Variants in MCTP1 observed in about 807,000 individuals in gnomAD.
MCTP1 encodes the protein multiple C2 and transmembrane domain-containing protein 1.
MCTP1 carries 69 observed loss-of-function variants against 120.6 expected under a neutral mutation model. The observed-to-expected ratio is 0.57, with a 90% CI of 0.47 to 0.70. MCTP1 has a LOEUF of 0.70. MCTP1 is among the 30% of genes least tolerant of loss of function. The probability of loss-of-function intolerance (pLI) is 0.00; values close to 1 mark genes in which losing one functional copy is unlikely to be tolerated. For synonymous variants in MCTP1, 529 were observed against 493.1 expected (o/e 1.07, Z -0.96); for missense variants, 1,203 against 1,248.8 (o/e 0.96, Z 0.55).
chr5:95,219,867 T>C (rs905440632), intron 1 of MCTP1, among the ~76,000 whole-genome samples: 10 of 152,202 alleles, frequency 6.6e-5, no homozygotes, highest in African/African-American at 2.4e-4. Context: ...GGTAATGAAT[T>C]CATGGTAAGA....
At chr5:95,070,728 A>AGTACTGCCTTT (rs1278307043) in intron 1 of MCTP1, among the ~76,000 whole-genome samples, 1 of 152,202 alleles carries the variant, frequency 6.6e-6, no homozygotes, top group Non-Finnish European at 1.5e-5. Context: ...TAGAGAGAGG[A>AGTACTGCCTTT]GTACAAAGGC....
At chr5:95,158,239 C>A (rs1394622759) in intron 1 of MCTP1, among the ~76,000 whole-genome samples, 1 of 152,188 alleles carries the variant, frequency 6.6e-6, no homozygotes, top group African/African-American at 2.4e-5. Flanking sequence ...ATTCCACTGG[C>A]ATTTTTCATC....
chr5:95,148,241 T>G (rs1343703523), intron 1 of MCTP1, among the ~76,000 whole-genome samples: 1 of 152,304 alleles, frequency 6.6e-6, no homozygotes, highest in Non-Finnish European at 1.5e-5. Flanking sequence ...TGCATGTCCA[T>G]GTCTACCTCT....
chr5:95,090,871 A>G (rs1426090), intron 1 of MCTP1, among the ~76,000 whole-genome samples: 1 of 152,162 alleles, frequency 6.6e-6, no homozygotes, highest in Admixed American at 6.5e-5. Flanking sequence ...ATATTAACAA[A>G]GTCATTGAGC....
At chr5:95,169,880 G>A (rs879847390) in intron 1 of MCTP1, among the ~76,000 whole-genome samples, 7 of 151,898 alleles carry the variant, frequency 4.6e-5, no homozygotes, top group South Asian at 2.1e-4. Context: ...AGGGTTTTTC[G>A]TGTCTCTATC....
rs147715216 is a variant in MCTP1, at chr5:94,765,832, G to GA, written c.2610+13277dup. On this transcript the variant is annotated intron_variant, in intron 19 of 22. Coordinates refer to ENST00000515393, the MANE Select transcript of MCTP1 (RefSeq NM_024717.7). ...CGTTAGCAAGACTAGCCAAGAGGGG[G>GA]AAAAAAAAAAGACTCAAATAAATAA... 4.2e-3 allele frequency among the ~76,000 whole-genome samples: 596 copies of GA among 143,468 alleles called. 8 individuals are homozygous for GA. Among genetic ancestry groups the GA allele is most frequent in the Non-Finnish European group, 4.0e-3 (260 of 65,260 alleles). The allele number at this position is 143,468 out of a possible 152,430, so 94.1% of individuals were successfully genotyped here. A position where few individuals can be genotyped will look rare whatever the true frequency, so the allele number is the denominator to read the frequency against.
intron 19 of MCTP1, among the ~76,000 whole-genome samples, chr5:94,716,353 A>G (rs1433796327): frequency 6.6e-6 from 1 of 152,070 alleles, no homozygotes; most frequent in Non-Finnish European, 1.5e-5. Context: ...ACTTGTCATG[A>G]CAGACGTTGG....
At chr5:95,258,445 G>A (rs1053251346) in intron 1 of MCTP1, among the ~76,000 whole-genome samples, 1 of 152,144 alleles carries the variant, frequency 6.6e-6, no homozygotes, top group Non-Finnish European at 1.5e-5. Context: ...AAAAGTTTGA[G>A]AAACTGTCAC....
chr5:94,997,089 T>A (rs1474612560), intron 2 of MCTP1, among the ~76,000 whole-genome samples: 5 of 152,212 alleles, frequency 3.3e-5, no homozygotes, highest in Admixed American at 2.6e-4. Flanking sequence ...ATTTTAGGTT[T>A]GTAGCAAAAT....
Position 94,870,484 on chromosome 5 carries a change from G to C in MCTP1, c.2249C>G (p.Ala750Gly). Reference sequence around the variant, plus strand: ...TTTGGGTATTAATGTTCGTAAGCTGGCTTTCACCTATACATCAACATATGT... The same window carrying C: ...TTTGGGTATTAATGTTCGTAAGCTGCCTTTCACCTATACATCAACATATGT... ...EIDVIFNAVKASLRTLIPKEQ... is the reference protein window; with the variant it reads ...EIDVIFNAVKGSLRTLIPKEQ... Residue 750 changes from alanine to glycine, a missense_variant, in exon 16 of 23, where the codon GCC (alanine) becomes GGC (glycine). Around this residue, in one of 2 missense-constraint regions of MCTP1, gnomAD observed 740 missense variants for 871.1 expected, o/e 0.85. Coordinates refer to ENST00000515393, the MANE Select transcript of MCTP1 (RefSeq NM_024717.7). 1 of 1,606,946 alleles carries C rather than the reference G, an allele frequency of 6.2e-7. No individual in the cohort carries two copies. Among genetic ancestry groups the C allele is most frequent in the Non-Finnish European group, 8.5e-7 (1 of 1,173,762 alleles).
rs1297143962 is a variant in MCTP1 at position 94,870,894 on chromosome 5, T to G, written c.2219A>C (p.Glu740Ala). The G allele has an allele frequency of 6.2e-7, 1 of 1,612,720 alleles. No individual in the cohort carries two copies. The highest frequency in any genetic ancestry group is 8.5e-7 in the Non-Finnish European group (1 of 1,179,106). ...TACAGCATTAAAAATCACATCTATTTCAAGATAGATGACCCCCTTTGTTGG... is the reference window on the plus strand; with the variant it reads ...TACAGCATTAAAAATCACATCTATTGCAAGATAGATGACCCCCTTTGTTGG... ...TGPTKGVIYL[E>A]IDVIFNAVKA... Residue 740 changes from glutamate (E) to alanine (A), a missense_variant, in exon 15 of 23, where the codon GAA (glutamate) becomes GCA (alanine). Physicochemically the swap from Glu to Ala is moderately radical, Grantham distance 107. Around this residue, in one of 2 missense-constraint regions of MCTP1, gnomAD observed 740 missense variants for 871.1 expected, o/e 0.85. Coordinates refer to ENST00000515393, the MANE Select transcript of MCTP1 (RefSeq NM_024717.7).
chr5:95,161,102 A>G (rs1745682486), intron 1 of MCTP1, among the ~76,000 whole-genome samples: 1 of 152,180 alleles, frequency 6.6e-6, no homozygotes, highest in African/African-American at 2.4e-5. Flanking sequence ...TATATATCCA[A>G]AGGGACTGAA....
At chr5:94,897,037 G>A (rs1804185182) in intron 10 of MCTP1, among the ~76,000 whole-genome samples, 1 of 151,842 alleles carries the variant, frequency 6.6e-6, no homozygotes, top group African/African-American at 2.4e-5. Context: ...TCTCAAAGTG[G>A]GTAATATCTG....
At chr5:95,256,105 A>G (rs902494699) in intron 1 of MCTP1, among the ~76,000 whole-genome samples, 5 of 152,206 alleles carry the variant, frequency 3.3e-5, no homozygotes, top group African/African-American at 1.2e-4. Flanking sequence ...TGCATCTTAC[A>G]TTATTTCCTC....
chr5:94,894,277 G>A (rs934110246), intron 11 of MCTP1, among the ~76,000 whole-genome samples: 11 of 152,116 alleles, frequency 7.2e-5, no homozygotes, highest in Non-Finnish European at 1.3e-4. Context: ...TAACTCCATC[G>A]CAAACTTGGA....
intron 6 of MCTP1, 127 bp from the exon 7 acceptor site, chr5:94,924,148 A>T (rs991373854): frequency 2.1e-6 from 1 of 477,580 alleles, no homozygotes; most frequent in East Asian, 3.8e-5. Flanking sequence ...GATACTTGGG[A>T]TATTTAGAAA....
chr5:95,135,593 G>T (rs1252630971), intron 1 of MCTP1, among the ~76,000 whole-genome samples: 1 of 152,180 alleles, frequency 6.6e-6, no homozygotes, highest in Non-Finnish European at 1.5e-5. Context: ...ACGTGAAGAA[G>T]CAAGACTGGC....
chr5:95,043,856 G>A (rs1434595903), intron 1 of MCTP1, among the ~76,000 whole-genome samples: 1 of 152,188 alleles, frequency 6.6e-6, no homozygotes, highest in Non-Finnish European at 1.5e-5. Context: ...TACGGGGATG[G>A]AGCAGGAACC....
intron 1 of MCTP1, among the ~76,000 whole-genome samples, chr5:95,251,699 GTAA>G (rs917614418): frequency 6.6e-6 from 1 of 151,990 alleles, no homozygotes; most frequent in Non-Finnish European, 1.5e-5. Flanking sequence ...TTCTCTTATA[GTAA>G]TAATAAGTAA....
Sources: allele counts gnomAD v4.1 joint callset (sites outside exome capture counted in the v4.1 genomes callset), GRCh38; gene constraint gnomAD v4.1.1; regional missense constraint gnomAD v4.1.1; transcripts MANE v1.5; gene names NCBI Gene and HGNC (gene_info 2026-07-23, HGNC 2026-07-21).